Variants in PRKCA observed in about 807,000 individuals in gnomAD.
PRKCA encodes the protein protein kinase C alpha type.
A neutral mutation model predicts 87.0 loss-of-function variants in PRKCA; 27 were observed. That is an observed-to-expected ratio of 0.31 (90% CI 0.23 to 0.43). PRKCA has a LOEUF of 0.43. Ranked by LOEUF, PRKCA falls within the 20% of genes least tolerant of loss-of-function variation. The pLI is 1.00. For synonymous variants in PRKCA, 329 were observed against 311.1 expected (o/e 1.06, Z -0.61); for missense variants, 518 against 852.3 (o/e 0.61, Z 4.88).
intron 3 of PRKCA, among the ~76,000 whole-genome samples, chr17:66,604,381 A>G (rs1424432210): frequency 2.0e-5 from 3 of 152,242 alleles, no homozygotes; most frequent in Non-Finnish European, 4.4e-5. Flanking sequence ...TCCGAAGGCC[A>G]TGCACAGTTA....
At chr17:66,304,496 C>T (rs965210280) in intron 1 of PRKCA, among the ~76,000 whole-genome samples, 6 of 152,132 alleles carry the variant, frequency 3.9e-5, no homozygotes, top group African/African-American at 1.4e-4. Context: ...CCCTCTCCTT[C>T]TAGGCCAGGG....
intron 2 of PRKCA, among the ~76,000 whole-genome samples, chr17:66,306,598 C>T (rs911508972): frequency 1.3e-5 from 2 of 152,068 alleles, no homozygotes; most frequent in African/African-American, 4.8e-5. Context: ...ACAAAGTTTG[C>T]ATGTTTTAAA....
chr17:66,506,997 A>T (rs1917008562), intron 3 of PRKCA, among the ~76,000 whole-genome samples: 1 of 152,182 alleles, frequency 6.6e-6, no homozygotes, highest in African/African-American at 2.4e-5. Context: ...ACGGCACAGG[A>T]TGTGACATCT....
intron 8 of PRKCA, among the ~76,000 whole-genome samples, chr17:66,715,140 T>C (rs1973442595): frequency 6.6e-6 from 1 of 151,908 alleles, no homozygotes; most frequent in Non-Finnish European, 1.5e-5. Flanking sequence ...GTTTTTTTTT[T>C]TTTCTCTGTG....
intron 2 of PRKCA, among the ~76,000 whole-genome samples, chr17:66,348,907 A>C (rs1598608102): frequency 6.6e-6 from 1 of 152,234 alleles, no homozygotes; most frequent in Non-Finnish European, 1.5e-5. Context: ...AGGTCTCCAA[A>C]ATAGAGACTT....
chr17:66,576,721 G>C (rs988339256), intron 3 of PRKCA, among the ~76,000 whole-genome samples: 11 of 152,254 alleles, frequency 7.2e-5, no homozygotes, highest in African/African-American at 1.9e-4. Context: ...AACACACACA[G>C]AGCCAGCAGC....
intron 3 of PRKCA, among the ~76,000 whole-genome samples, chr17:66,595,463 C>CTTTTTT (rs374376124): frequency 2.6e-4 from 30 of 116,532 alleles, no homozygotes; most frequent in Admixed American, 4.9e-4. Context: ...TCTTTTCCTT[C>CTTTTTT]TTTTTTTTTT....
intron 2 of PRKCA, among the ~76,000 whole-genome samples, chr17:66,488,444 G>T (rs901249439): frequency 1.3e-5 from 2 of 152,002 alleles, no homozygotes; most frequent in African/African-American, 4.8e-5. Context: ...TCATCATAAG[G>T]CTCACCTCTT....
chr17:66,592,797 A>AT (rs887269686), intron 3 of PRKCA, among the ~76,000 whole-genome samples: 1 of 148,406 alleles, frequency 6.7e-6, no homozygotes, highest in African/African-American at 2.4e-5. Flanking sequence ...TTATTTATTT[A>AT]TTTTTTATTT....
chr17:66,570,513 C>T (rs916576886), intron 3 of PRKCA, among the ~76,000 whole-genome samples: 1 of 152,080 alleles, frequency 6.6e-6, no homozygotes, highest in Non-Finnish European at 1.5e-5. Flanking sequence ...TATTGTGCAG[C>T]GTGTTGCTAC....
At chr17:66,329,101 C>T (rs1398985962) in intron 2 of PRKCA, among the ~76,000 whole-genome samples, 1 of 152,186 alleles carries the variant, frequency 6.6e-6, no homozygotes, top group East Asian at 1.9e-4. Flanking sequence ...GGTCTTTCCT[C>T]ATTCTGGTGA....
Position 66,587,723 on chromosome 17 carries a change from AT to A in PRKCA, c.289-53631del, listed in dbSNP as rs1969645365. Among the ~76,000 whole-genome samples the A allele has an allele frequency of 2.8e-5, 2 of 72,372 alleles. 1 individual carries two copies. Among genetic ancestry groups the A allele is most frequent in the Admixed American group, 3.0e-4 (2 of 6,638 alleles). The allele number at this position is 72,372 out of a possible 152,430, so 47.5% of individuals were successfully genotyped here. A position where few individuals can be genotyped will look rare whatever the true frequency, so the allele number is the denominator to read the frequency against. On this transcript the variant is annotated intron_variant, in intron 3 of 16. Coordinates refer to ENST00000413366, the MANE Select transcript of PRKCA (RefSeq NM_002737.3). The stretch of plus-strand genomic sequence containing the variant: ...TACATATATACGTATATGTGTGTAT[AT>A]GTATACATATATACGTATATGTGTG...
chr17:66,303,174 G>T lies in PRKCA; in HGVS notation c.173+150G>T, dbSNP rs1014283253. On this transcript the variant is annotated intron_variant, in intron 1 of 16. Transcript: ENST00000413366. ...ACTCTTCGCCCGGAGTGACACGCGC[G>T]CCCGGCCCTGACACCGGCGGGCAGG... is the stretch of plus-strand genomic sequence containing the variant. 44 of 1,096,436 alleles carry T rather than the reference G, an allele frequency of 4.0e-5. No homozygotes were observed. In the African/African-American group the frequency reaches 6.3e-4, roughly 16 times the overall value. 67.9% of individuals were successfully genotyped at this position (1,096,436 alleles called of 1,614,324 possible). A position where few individuals can be genotyped will look rare whatever the true frequency, so the allele number is the denominator to read the frequency against.
chr17:66,799,705 G>A (rs540795532), intron 16 of PRKCA, among the ~76,000 whole-genome samples: 8 of 150,796 alleles, frequency 5.3e-5, no homozygotes, highest in African/African-American at 2.0e-4. Context: ...TGGTGATGAG[G>A]GTAGTTTTCC....
chr17:66,774,292 C>G (rs1415420683), intron 14 of PRKCA: 1 of 1,388,384 alleles, frequency 7.2e-7, no homozygotes, highest in Admixed American at 2.8e-5. Flanking sequence ...AAAGCTACAA[C>G]CTGGAGTGTA....
chr17:66,566,518 ACT>A (rs1968905809), intron 3 of PRKCA, among the ~76,000 whole-genome samples: 1 of 84,420 alleles, frequency 1.2e-5, no homozygotes, highest in South Asian at 3.6e-4. Context: ...AGCTTTCCCC[ACT>A]TTGGGAAATG....
chr17:66,638,190 A>T (rs952396746), intron 3 of PRKCA: 13 of 152,094 alleles, frequency 8.5e-5, no homozygotes, highest in African/African-American at 2.2e-4. Flanking sequence ...TTGTAAATAT[A>T]TTGAGAGCCA....
At chr17:66,713,537 C>T (rs1255875294) in intron 8 of PRKCA, among the ~76,000 whole-genome samples, 1 of 152,142 alleles carries the variant, frequency 6.6e-6, no homozygotes, top group Non-Finnish European at 1.5e-5. Context: ...AACAAAGTCT[C>T]TTTTCTGACA....
At chr17:66,643,697 G>A (rs535017308) in intron 4 of PRKCA, among the ~76,000 whole-genome samples, 1 of 152,228 alleles carries the variant, frequency 6.6e-6, no homozygotes, top group East Asian at 1.9e-4. Flanking sequence ...GCTCCTTTCT[G>A]GAGACAGGAG....
Sources: gnomAD v4.1 joint callset for allele counts (sites outside exome capture counted in the v4.1 genomes callset) on GRCh38, gnomAD v4.1.1 for gene constraint, MANE v1.5 for transcripts, NCBI Gene and HGNC (gene_info 2026-07-23, HGNC 2026-07-21) for gene names.